Variants in RBFOX1 observed in about 807,000 individuals in gnomAD.
RBFOX1 encodes RNA binding fox-1 homolog 1, also known as RNA binding protein fox-1 homolog 1.
A neutral mutation model predicts 57.7 loss-of-function variants in RBFOX1; 8 were observed. The observed-to-expected ratio is 0.14, with a 90% CI of 0.08 to 0.25. The LOEUF (loss-of-function observed/expected upper bound fraction) is 0.25, where lower values mean the gene tolerates loss of function less well. RBFOX1 is among the 10% of genes least tolerant of loss of function. The pLI is 1.00. For synonymous variants in RBFOX1, 326 were observed against 222.4 expected, an observed-to-expected ratio of 1.47 and a Z score of -4.15; for missense variants, 611 against 548.5, an observed-to-expected ratio of 1.11 and a Z score of -1.14.
intron 3 of RBFOX1, among the ~76,000 whole-genome samples, chr16:6,950,423 G>T (rs893903031): frequency 1.3e-5 from 2 of 152,212 alleles, no homozygotes; most frequent in Non-Finnish European, 2.9e-5. Context: ...TGAGAACAGG[G>T]TAATGATTCA....
chr16:7,423,351 A>C (rs1344801873), intron 4 of RBFOX1, among the ~76,000 whole-genome samples: 1 of 150,120 alleles, frequency 6.7e-6, no homozygotes, highest in Admixed American at 6.6e-5. Flanking sequence ...AAAATATAAA[A>C]AGTTGTGGGG....
At chr16:7,204,543 A>G (rs998395356) in intron 4 of RBFOX1, among the ~76,000 whole-genome samples, 11 of 152,148 alleles carry the variant, frequency 7.2e-5, no homozygotes, top group Non-Finnish European at 1.6e-4. Flanking sequence ...TTACGCAGGA[A>G]GCTGAGGATG....
intron 4 of RBFOX1, among the ~76,000 whole-genome samples, chr16:7,227,798 C>T (rs530603311): frequency 6.6e-6 from 1 of 152,216 alleles, no homozygotes; most frequent in African/African-American, 2.4e-5. Context: ...AAACTCCTAC[C>T]TCATCACGGC....
intron 2 of RBFOX1, among the ~76,000 whole-genome samples, chr16:5,512,440 C>G (rs1002243664): frequency 4.0e-5 from 6 of 151,518 alleles, no homozygotes; most frequent in Non-Finnish European, 7.4e-5. Context: ...CTCTGTCTCT[C>G]TCTCTCTTCT....
intron 3 of RBFOX1, among the ~76,000 whole-genome samples, chr16:6,870,798 T>C (rs1010699408): frequency 6.6e-6 from 1 of 152,176 alleles, no homozygotes; most frequent in Non-Finnish European, 1.5e-5. Context: ...TAGCAACTAA[T>C]TTATGAGGCA....
chr16:6,795,147 T>G (rs1262404056), intron 3 of RBFOX1, among the ~76,000 whole-genome samples: 1 of 152,198 alleles, frequency 6.6e-6, no homozygotes, highest in African/African-American at 2.4e-5. Flanking sequence ...GTTCTGTTGA[T>G]TCATAGTAAG....
intron 2 of RBFOX1, among the ~76,000 whole-genome samples, chr16:5,486,862 C>G (rs77534801): frequency 0.056 from 8,453 of 152,040 alleles, 506 homozygotes; most frequent in African/African-American, 0.15. Flanking sequence ...CCTGAGACTC[C>G]TTTACTTGAC....
intron 3 of RBFOX1, among the ~76,000 whole-genome samples, chr16:6,840,896 A>AGAAAAAAAAG (rs1471053866): frequency 3.5e-5 from 5 of 144,676 alleles, no homozygotes; most frequent in Non-Finnish European, 7.4e-5. Context: ...TCAAAAAAAA[A>AGAAAAAAAAG]AAAAAAAACG....
intron 4 of RBFOX1, among the ~76,000 whole-genome samples, chr16:5,944,902 G>A (rs1261677454): frequency 7.0e-6 from 1 of 141,916 alleles, no homozygotes; most frequent in Admixed American, 7.5e-5. Flanking sequence ...GGAGGCAGAG[G>A]TTGCAATGAG....
chr16:5,675,465 G>A (rs1461420984), intron 3 of RBFOX1, among the ~76,000 whole-genome samples: 1 of 152,164 alleles, frequency 6.6e-6, no homozygotes, highest in East Asian at 1.9e-4. Flanking sequence ...CAGCTCACGT[G>A]CCCAGTGGGA....
intron 4 of RBFOX1, among the ~76,000 whole-genome samples, chr16:5,949,864 C>G (rs985458070): frequency 2.6e-5 from 4 of 152,180 alleles, no homozygotes; most frequent in South Asian, 4.1e-4. Flanking sequence ...GCAGGGGATT[C>G]TGAGACAAGC....
intron 4 of RBFOX1, among the ~76,000 whole-genome samples, chr16:7,085,395 C>A (rs2059838315): frequency 6.6e-6 from 1 of 152,072 alleles, no homozygotes; most frequent in Non-Finnish European, 1.5e-5. Context: ...TTTGAAATCT[C>A]TTGGTTTTTA....
chr16:5,862,288 C>T (rs552176166), intron 3 of RBFOX1, among the ~76,000 whole-genome samples: 6 of 152,306 alleles, frequency 3.9e-5, no homozygotes, highest in South Asian at 2.1e-4. Context: ...GATGCACTGA[C>T]GTCACAGTTA....
At chr16:6,621,420 C>T (rs1313933369) in intron 2 of RBFOX1, among the ~76,000 whole-genome samples, 14 of 152,180 alleles carry the variant, frequency 9.2e-5, no homozygotes, top group African/African-American at 2.2e-4. Context: ...ACCAAGATTG[C>T]GCCACTGCGC....
chr16:7,492,516 T>C (rs1016727402), intron 4 of RBFOX1, among the ~76,000 whole-genome samples: 71 of 152,292 alleles, frequency 4.7e-4, no homozygotes, highest in Non-Finnish European at 8.1e-4. Flanking sequence ...ACTAGCCACA[T>C]GTAGCTACTT....
chr16:7,292,473 A>C (rs1568066179), intron 4 of RBFOX1, among the ~76,000 whole-genome samples: 1 of 143,932 alleles, frequency 6.9e-6, no homozygotes, highest in African/African-American at 2.5e-5. Context: ...ATAATATATA[A>C]TGTATTATAT....
chr16:6,540,866 T>C (rs1363570078), intron 2 of RBFOX1, among the ~76,000 whole-genome samples: 3 of 152,160 alleles, frequency 2.0e-5, no homozygotes, highest in Admixed American at 1.3e-4. Flanking sequence ...ATTGTATTCA[T>C]CATATTTCTC....
At chr16:6,678,881 G>C (rs1452899884) in intron 3 of RBFOX1, among the ~76,000 whole-genome samples, 1 of 152,178 alleles carries the variant, frequency 6.6e-6, no homozygotes, top group Non-Finnish European at 1.5e-5. Flanking sequence ...TTGTTTCCAA[G>C]TGTAGCATGA....
chr16:5,940,588 C>T (rs2059259282), intron 4 of RBFOX1, among the ~76,000 whole-genome samples: 1 of 152,168 alleles, frequency 6.6e-6, no homozygotes. Flanking sequence ...TTAAAAATTT[C>T]AATCAGGGCT....
Sources: allele counts gnomAD v4.1 joint callset (sites outside exome capture counted in the v4.1 genomes callset), GRCh38; gene constraint gnomAD v4.1.1; transcripts MANE v1.5; gene names NCBI Gene and HGNC (gene_info 2026-07-23, HGNC 2026-07-21).